Variants in ZDHHC13 observed in about 807,000 individuals in gnomAD.
ZDHHC13 encodes the protein palmitoyltransferase ZDHHC13.
In ZDHHC13, 85 loss-of-function variants were observed where a neutral mutation model predicts 86.0. That is an observed-to-expected ratio of 0.99 (90% confidence interval 0.83 to 1.18). ZDHHC13 has a LOEUF of 1.18. Among genes scored for constraint, ZDHHC13 ranks in the 50% most tolerant of loss-of-function variants. The pLI is 0.00. For synonymous variants in ZDHHC13, 263 were observed against 246.4 expected (o/e 1.07, Z -0.63); for missense variants, 711 against 730.2 (o/e 0.97, Z 0.30).
Position 19,128,732 on chromosome 11 carries a change from G to C in ZDHHC13, c.27+11456G>C, listed in dbSNP as rs573666107. On this transcript the variant is annotated intron_variant, in intron 1 of 16. Transcript: ENST00000446113. Reference sequence around the variant, plus strand: ...TTCTTTTTAAACTGAAAAGTTCATGGAAATAGGTTTGGTGATAAGGTAGGT... The same window carrying C: ...TTCTTTTTAAACTGAAAAGTTCATGCAAATAGGTTTGGTGATAAGGTAGGT... 3.6e-3 allele frequency among the ~76,000 whole-genome samples: 553 copies of C among 152,216 alleles called. 6 individuals are homozygous for C. The highest frequency in any genetic ancestry group is 0.013 in the African/African-American group (530 of 41,534).
intron 2 of ZDHHC13, among the ~76,000 whole-genome samples, chr11:19,144,498 C>T (rs574179393): frequency 2.0e-4 from 30 of 150,234 alleles, no homozygotes; most frequent in African/African-American, 5.2e-4. Context: ...AATGTATATT[C>T]TTATTATGTT....
rs980183266 is a variant in ZDHHC13 at position 19,176,413 on chromosome 11, G to A, written c.*453G>A. 3 of 152,282 alleles carry A rather than the reference G, an allele frequency of 2.0e-5. No individual in the cohort carries two copies. The highest frequency in any genetic ancestry group is 2.9e-5 in the Non-Finnish European group (2 of 68,190). 9.4% of individuals were successfully genotyped at this position (152,282 alleles called of 1,614,324 possible). ...CACACTTAATAAAAAATTTTTTTTT[G>A]TAGTTGAGACTTGGTTTCTGACACT... On this transcript the variant is annotated 3_prime_UTR_variant, in exon 17 of 17. Coordinates refer to ENST00000446113, the MANE Select transcript of ZDHHC13 (RefSeq NM_019028.3).
intron 13 of ZDHHC13, among the ~76,000 whole-genome samples, chr11:19,165,932 A>G (rs1044636359): frequency 6.6e-6 from 1 of 152,226 alleles, no homozygotes; most frequent in African/African-American, 2.4e-5. Flanking sequence ...TTGCACTTTT[A>G]CAAACATGTT....
rs78472357 is a variant in ZDHHC13 at position 19,122,161 on chromosome 11, G to T, written c.27+4885G>T. ...TGGCGGCCAATTTCATATTGTCGTG[G>T]GTCATGTTATTGTAGGATTTGACAT... On this transcript the variant is annotated intron_variant, in intron 1 of 16. Coordinates refer to ENST00000446113, the MANE Select transcript of ZDHHC13 (RefSeq NM_019028.3). Among the ~76,000 whole-genome samples the T allele has an allele frequency of 6.8e-3, 1,039 of 152,130 alleles. 10 individuals carry two copies. The highest frequency in any genetic ancestry group is 0.024 in the African/African-American group (981 of 41,498).
intron 16 of ZDHHC13, among the ~76,000 whole-genome samples, chr11:19,175,097 G>A (rs1446905581): frequency 6.6e-6 from 1 of 151,980 alleles, no homozygotes; most frequent in Non-Finnish European, 1.5e-5. Flanking sequence ...TTACTTATAA[G>A]GTTTAGGGAG....
chr11:19,146,233 AG>A lies in ZDHHC13; in HGVS notation c.228del (p.Arg76SerfsTer23). 1 of 1,612,394 alleles carries A rather than the reference AG, an allele frequency of 6.2e-7. No homozygotes were observed. The highest frequency in any genetic ancestry group is 1.7e-5 in the Admixed American group (1 of 59,836). On this transcript the variant is annotated frameshift_variant, in exon 3 of 17. Coordinates refer to ENST00000446113, the MANE Select transcript of ZDHHC13 (RefSeq NM_019028.3). LOFTEE classifies it high-confidence loss of function. Reference protein sequence around the residue: ...KELVEAGYDVRQPDKENVSLL... With the variant: ...KELVEAGYDVXQPDKENVSLL... The stretch of plus-strand genomic sequence containing the variant: ...GTTGGTAGAAGCAGGATATGATGTC[AG>A]GCAACCAGATAAAGAAAATGTGTCG...
intron 1 of ZDHHC13, among the ~76,000 whole-genome samples, chr11:19,138,566 G>C (rs1367040561): frequency 6.6e-6 from 1 of 151,906 alleles, no homozygotes; most frequent in Non-Finnish European, 1.5e-5. Flanking sequence ...CATTTTGTGA[G>C]GCCAGCATCA....
At chr11:19,151,286 G>A (rs1565033011) in intron 6 of ZDHHC13, among the ~76,000 whole-genome samples, 1 of 152,010 alleles carries the variant, frequency 6.6e-6, no homozygotes, top group Non-Finnish European at 1.5e-5. Context: ...AAGTTTTTCT[G>A]TGTATTTATT....
intron 15 of ZDHHC13, among the ~76,000 whole-genome samples, chr11:19,171,211 T>G (rs1850212034): frequency 6.6e-6 from 1 of 152,186 alleles, no homozygotes; most frequent in Non-Finnish European, 1.5e-5. Context: ...AGTAGTCACC[T>G]TCAGCTTTCT....
Position 19,146,285 on chromosome 11 carries a change from A to G in ZDHHC13, c.278A>G (p.Asn93Ser). The G allele has an allele frequency of 1.2e-6, 2 of 1,613,184 alleles. No individual in the cohort carries two copies. Among genetic ancestry groups the G allele is most frequent in the Non-Finnish European group, 1.7e-6 (2 of 1,179,578 alleles). The stretch of plus-strand genomic sequence containing the variant: ...CTTCTTCATTGGGCTGCTATTAACA[A>G]CAGACTGGATCTTGTAAAGTAAGAT... ...VSLLHWAAIN[N>S]RLDLVKFYIS... The change falls in exon 3 of 17, where the codon AAC (asparagine) becomes AGC (serine). Residue 93 changes from asparagine to serine, a missense_variant. Transcript: ENST00000446113.
At chr11:19,125,959 G>A (rs1396746894) in intron 1 of ZDHHC13, among the ~76,000 whole-genome samples, 1 of 152,078 alleles carries the variant, frequency 6.6e-6, no homozygotes, top group African/African-American at 2.4e-5. Context: ...AAGGATGATG[G>A]TGGCGGTTAC....
chr11:19,127,365 A>C (rs1331824721), intron 1 of ZDHHC13, among the ~76,000 whole-genome samples: 1 of 152,204 alleles, frequency 6.6e-6, no homozygotes, highest in Admixed American at 6.5e-5. Flanking sequence ...TGTCAGATGC[A>C]TAGTTTGCAA....
At position 19,140,629 on chromosome 11, in the gene ZDHHC13, C is replaced by T. The variant is rs183880445; in HGVS notation, c.28-2349C>T. Among the ~76,000 whole-genome samples, 900 of 152,068 alleles carry T rather than the reference C, an allele frequency of 5.9e-3. 30 individuals are homozygous for T. In the East Asian group the frequency reaches 0.087, roughly 15 times the overall value. The stretch of plus-strand genomic sequence containing the variant: ...GACACATGCACACGTATGTTTATTG[C>T]GGCATTATTCACAATAGTGAAGACT... On this transcript the variant is annotated intron_variant, in intron 1 of 16. Transcript: ENST00000446113.
chr11:19,136,487 G>A (rs1849145153), intron 1 of ZDHHC13, among the ~76,000 whole-genome samples: 1 of 152,194 alleles, frequency 6.6e-6, no homozygotes, highest in Non-Finnish European at 1.5e-5. Flanking sequence ...GAACCAAGTT[G>A]GAAAACACTC....
intron 2 of ZDHHC13, among the ~76,000 whole-genome samples, chr11:19,145,564 G>T (rs1849439840): frequency 6.6e-6 from 1 of 152,124 alleles, no homozygotes; most frequent in African/African-American, 2.4e-5. Context: ...TCCCTCTCAT[G>T]CTTTATGCTT....
rs1848665661 is a variant in ZDHHC13, at chr11:19,117,305, G to A, written c.27+29G>A. The A allele has an allele frequency of 6.9e-7, 1 of 1,454,780 alleles. No individual in the cohort carries two copies. The highest frequency in any genetic ancestry group is 1.5e-5 in the African/African-American group (1 of 68,502). 90.1% of individuals were successfully genotyped at this position (1,454,780 alleles called of 1,614,324 possible). A position where few individuals can be genotyped will look rare whatever the true frequency, so the allele number is the denominator to read the frequency against. On this transcript the variant is annotated intron_variant, in intron 1 of 16. Coordinates refer to ENST00000446113, the MANE Select transcript of ZDHHC13 (RefSeq NM_019028.3). This position sits in a 1 kb window ranked among gnomAD's most constrained non-coding sequence, Gnocchi z 4.2. Reference sequence around the variant, plus strand: ...AGTGCGGCCGGGCGGTGGCTGTCCTGGGGGCCGGGAGAGCGGCTGCAGCTG... The same window carrying A: ...AGTGCGGCCGGGCGGTGGCTGTCCTAGGGGCCGGGAGAGCGGCTGCAGCTG...
intron 1 of ZDHHC13, among the ~76,000 whole-genome samples, chr11:19,136,983 C>T (rs1382417011): frequency 3.3e-5 from 5 of 151,976 alleles, no homozygotes; most frequent in Admixed American, 6.6e-5. Flanking sequence ...TAAAGACCAT[C>T]GAGACTAGGA....
At chr11:19,151,781 A>G (rs1849614606) in intron 6 of ZDHHC13, among the ~76,000 whole-genome samples, 1 of 152,062 alleles carries the variant, frequency 6.6e-6, no homozygotes, top group African/African-American at 2.4e-5. Flanking sequence ...TAGCTCCTCA[A>G]CTAAGACATA....
intron 2 of ZDHHC13, among the ~76,000 whole-genome samples, chr11:19,144,833 A>C (rs759905619): frequency 6.6e-6 from 1 of 152,178 alleles, no homozygotes; most frequent in Non-Finnish European, 1.5e-5. Flanking sequence ...TATTGCTAAT[A>C]GGCCGGGTGT....
Sources: gnomAD v4.1 joint callset for allele counts (sites outside exome capture counted in the v4.1 genomes callset) on GRCh38, gnomAD v4.1.1 for gene constraint, Gnocchi (gnomAD v3.1) non-coding constraint, MANE v1.5 for transcripts, NCBI Gene and HGNC (gene_info 2026-07-23, HGNC 2026-07-21) for gene names.